SORCS2: variants seen among roughly 807,000 people sequenced by gnomAD.
SORCS2 encodes the protein VPS10 domain-containing receptor SorCS2.
In SORCS2, 100 loss-of-function variants were observed where a neutral mutation model predicts 141.6. The observed-to-expected ratio is 0.71, with a 90% CI of 0.60 to 0.83. The LOEUF is 0.83. SORCS2 is among the 40% of genes least tolerant of loss of function. The pLI, the probability that SORCS2 is intolerant of heterozygous loss-of-function variation, is 0.00. For missense variants in SORCS2, 1,646 were observed against 1,560.2 expected (o/e 1.05, Z -0.93); for synonymous variants, 789 against 676.9 (o/e 1.17, Z -2.57).
intron 11 of SORCS2, among the ~76,000 whole-genome samples, chr4:7,694,490 A>G (rs1724467950): frequency 6.6e-6 from 1 of 151,802 alleles, no homozygotes. Context: ...AACAGATAGC[A>G]TTTCTTAAAA....
At chr4:7,370,987 G>A (rs1722212341) in intron 1 of SORCS2, among the ~76,000 whole-genome samples, 1 of 152,202 alleles carries the variant, frequency 6.6e-6, no homozygotes, top group Admixed American at 6.5e-5. Flanking sequence ...GTGGGTCCCT[G>A]CTGGGCCCCA....
chr4:7,582,017 G>C (rs897526399), intron 3 of SORCS2, among the ~76,000 whole-genome samples: 1 of 152,074 alleles, frequency 6.6e-6, no homozygotes, highest in African/African-American at 2.4e-5. Flanking sequence ...TGCTTTGTAA[G>C]CATCATTTTA....
At chr4:7,661,306 C>G (rs1012212453) in intron 5 of SORCS2, among the ~76,000 whole-genome samples, 194 bp from the exon 6 acceptor site, 1 of 113,394 alleles carries the variant, frequency 8.8e-6, no homozygotes, top group Non-Finnish European at 1.8e-5. Flanking sequence ...CCTCAGCTCA[C>G]TCAAGGAAAA....
intron 3 of SORCS2, among the ~76,000 whole-genome samples, chr4:7,535,790 G>A (rs1048005587): frequency 6.6e-6 from 1 of 150,996 alleles, no homozygotes; most frequent in Non-Finnish European, 1.5e-5. Context: ...TGGAACAGAG[G>A]CCTCACCTGG....
chr4:7,711,174 G>A (rs978983253), intron 14 of SORCS2, among the ~76,000 whole-genome samples: 21 of 152,210 alleles, frequency 1.4e-4, no homozygotes, highest in African/African-American at 5.1e-4. Flanking sequence ...TCTGCCTCTT[G>A]GGACTGTTCT....
intron 19 of SORCS2, among the ~76,000 whole-genome samples, chr4:7,724,877 ATGGTGGTGGTGT>A (rs1312957940): frequency 9.6e-5 from 9 of 93,308 alleles, no homozygotes; most frequent in Non-Finnish European, 1.3e-4. Flanking sequence ...GGTAGTGGTG[ATGGTGGTGGTGT>A]TGGTGATGGT....
At chr4:7,497,546 C>T (rs1731704659) in intron 2 of SORCS2, among the ~76,000 whole-genome samples, 2 of 152,250 alleles carry the variant, frequency 1.3e-5, no homozygotes, top group African/African-American at 2.4e-5. Context: ...TCAGGCAAGT[C>T]ACACCGCCAT....
intron 4 of SORCS2, among the ~76,000 whole-genome samples, chr4:7,652,836 C>T (rs1435138638): frequency 6.6e-6 from 1 of 152,218 alleles, no homozygotes; most frequent in African/African-American, 2.4e-5. Flanking sequence ...TGGTTTTGGG[C>T]AGGGCCAGCT....
At chr4:7,642,186 T>C (rs1423036329) in intron 4 of SORCS2, among the ~76,000 whole-genome samples, 3 of 152,238 alleles carry the variant, frequency 2.0e-5, no homozygotes, top group East Asian at 3.9e-4. Flanking sequence ...CTTGCCAAGG[T>C]TGGGTCCTCC....
intron 2 of SORCS2, among the ~76,000 whole-genome samples, chr4:7,404,343 T>TC (rs1724830590): frequency 6.6e-6 from 1 of 152,186 alleles, no homozygotes; most frequent in Admixed American, 6.5e-5. Context: ...TAATTTCTTT[T>TC]CCCTTTTCCT....
intron 2 of SORCS2, among the ~76,000 whole-genome samples, chr4:7,459,431 G>C (rs1164563926): frequency 1.3e-5 from 2 of 152,100 alleles, no homozygotes. Flanking sequence ...CCCCTGTCTG[G>C]CTCAGTTTCC....
chr4:7,215,974 G>A (rs1263372583), intron 1 of SORCS2, among the ~76,000 whole-genome samples: 1 of 151,788 alleles, frequency 6.6e-6, no homozygotes, highest in Non-Finnish European at 1.5e-5. Context: ...AACCCGCTCG[G>A]GTCCCCTTCC....
chr4:7,582,092 C>G (rs1577788238), intron 3 of SORCS2, among the ~76,000 whole-genome samples: 1 of 152,180 alleles, frequency 6.6e-6, no homozygotes, highest in South Asian at 2.1e-4. Flanking sequence ...TCACCTACCA[C>G]TTATTGGAGA....
chr4:7,379,042 A>C (rs936853748), intron 1 of SORCS2, among the ~76,000 whole-genome samples: 2 of 152,134 alleles, frequency 1.3e-5, no homozygotes, highest in African/African-American at 4.8e-5. Context: ...TGTGATTTAC[A>C]CGCTGATCAC....
chr4:7,468,025 C>G (rs1365978366), intron 2 of SORCS2, among the ~76,000 whole-genome samples: 1 of 152,158 alleles, frequency 6.6e-6, no homozygotes, highest in Non-Finnish European at 1.5e-5. Flanking sequence ...GGAGCCACAC[C>G]GAGGTATGAG....
chr4:7,466,817 C>T (rs1439775235), intron 2 of SORCS2, among the ~76,000 whole-genome samples: 1 of 152,184 alleles, frequency 6.6e-6, no homozygotes, highest in East Asian at 1.9e-4. Context: ...TGCTGGGAGG[C>T]ATAGGCACTT....
chr4:7,457,040 G>T (rs1023197601), intron 2 of SORCS2, among the ~76,000 whole-genome samples: 2 of 152,150 alleles, frequency 1.3e-5, no homozygotes, highest in African/African-American at 2.4e-5. Flanking sequence ...AGACCTTTCT[G>T]TCCATCCCTG....
chr4:7,352,274 G>T (rs1489922026), intron 1 of SORCS2, among the ~76,000 whole-genome samples: 1 of 152,262 alleles, frequency 6.6e-6, no homozygotes, highest in African/African-American at 2.4e-5. Flanking sequence ...GAACTGAGGT[G>T]CCTGGCGTAT....
chr4:7,195,301 G>A (rs1727107057), intron 1 of SORCS2, among the ~76,000 whole-genome samples: 2 of 152,182 alleles, frequency 1.3e-5, no homozygotes, highest in Non-Finnish European at 2.9e-5. Flanking sequence ...ATGTCCTCTG[G>A]TCAGCATGAG....
Sources: allele counts gnomAD v4.1 joint callset (sites outside exome capture counted in the v4.1 genomes callset), GRCh38; gene constraint gnomAD v4.1.1; transcripts MANE v1.5; gene names NCBI Gene and HGNC (gene_info 2026-07-23, HGNC 2026-07-21).